Variants in PARP12 observed in about 807,000 individuals in gnomAD.
PARP12 encodes protein mono-ADP-ribosyltransferase PARP12.
PARP12 carries 59 observed loss-of-function variants against 72.4 expected under a neutral mutation model. That is an observed-to-expected ratio of 0.81 (90% CI 0.66 to 1.01). The LOEUF (loss-of-function observed/expected upper bound fraction) is 1.01. PARP12 is among the 50% of genes least tolerant of loss of function. The pLI is 0.00. For missense variants in PARP12, 851 were observed against 914.0 expected, an observed-to-expected ratio of 0.93 and a Z score of 0.89; for synonymous variants, 403 against 371.4, an observed-to-expected ratio of 1.09 and a Z score of -0.98.
intron 4 of PARP12, among the ~76,000 whole-genome samples, chr7:140,051,342 CTT>C (rs1466874328): frequency 2.0e-5 from 3 of 152,014 alleles, no homozygotes; most frequent in Non-Finnish European, 4.4e-5. Flanking sequence ...TCAATCCAGT[CTT>C]TTTTCTACAT....
intron 2 of PARP12, chr7:140,057,452 A>G (rs1302722068): frequency 1.3e-5 from 6 of 451,072 alleles, no homozygotes; most frequent in Non-Finnish European, 2.0e-5. Context: ...TCAAATGGCT[A>G]CATCCTAAGG....
At chr7:140,033,129 G>A in intron 8 of PARP12, 1 of 950,482 alleles carries the variant, frequency 1.1e-6, no homozygotes, top group Non-Finnish European at 1.3e-6. Flanking sequence ...CTGGGCTCAA[G>A]CAATCTACCC....
intron 6 of PARP12, chr7:140,038,057 C>T (rs1816290679): frequency 2.0e-6 from 2 of 985,376 alleles, no homozygotes; most frequent in Non-Finnish European, 1.2e-6. Flanking sequence ...GCTGCCCTAG[C>T]AAACACAATG....
At chr7:140,047,250 T>G (rs1034544434) in intron 4 of PARP12, among the ~76,000 whole-genome samples, 2 of 152,262 alleles carry the variant, frequency 1.3e-5, no homozygotes, top group Admixed American at 6.5e-5. Context: ...TACAACTTAA[T>G]CGCCAATGTG....
chr7:140,056,802 A>G, intron 3 of PARP12, 54 bp downstream of exon 3: 1 of 1,493,420 alleles, frequency 6.7e-7, no homozygotes, highest in Non-Finnish European at 9.0e-7. Flanking sequence ...GGGAACCCCC[A>G]GCCCAGGACC....
chr7:140,032,299 T>A (rs1415816983), intron 8 of PARP12, among the ~76,000 whole-genome samples: 1 of 151,996 alleles, frequency 6.6e-6, no homozygotes, highest in Non-Finnish European at 1.5e-5. Context: ...TTGGTTTACT[T>A]CCTACGACTC....
intron 3 of PARP12, among the ~76,000 whole-genome samples, chr7:140,055,448 C>T (rs2116654485): frequency 6.6e-6 from 1 of 152,280 alleles, no homozygotes. Flanking sequence ...TGAGTCTTTA[C>T]CTATGACATT....
intron 7 of PARP12, 79 bp from the exon 8 acceptor site, chr7:140,034,410 A>AATT: frequency 1.6e-6 from 2 of 1,214,690 alleles, no homozygotes; most frequent in Non-Finnish European, 2.3e-6. Context: ...TATAAACACA[A>AATT]ATTAGATAGA....
intron 10 of PARP12, 113 bp downstream of exon 10, chr7:140,027,163 G>T: frequency 7.1e-7 from 1 of 1,407,926 alleles, no homozygotes; most frequent in Admixed American, 1.9e-5. Flanking sequence ...CCCAGCACAT[G>T]GCAGCCCTAA....
rs763786148 is a variant in PARP12 at position 140,034,343 on chromosome 7, C to T, written c.1325-12G>A. The T allele has an allele frequency of 6.3e-7, 1 of 1,596,648 alleles. No homozygotes were observed. The highest frequency in any genetic ancestry group is 1.7e-5 in the Admixed American group (1 of 58,522). ...TTTCTGAACGAAGGCTGAAAAAAAACATAACCAGTGAAAAAATATACATAT... is the reference window on the plus strand; with the variant it reads ...TTTCTGAACGAAGGCTGAAAAAAAATATAACCAGTGAAAAAATATACATAT... On this transcript the variant is annotated splice_polypyrimidine_tract_variant and intron_variant, in intron 7 of 11. Coordinates refer to ENST00000263549, the MANE Select transcript of PARP12 (RefSeq NM_022750.4).
At chr7:140,033,410 C>A in intron 8 of PARP12, 1 of 985,444 alleles carries the variant, frequency 1.0e-6, no homozygotes, top group South Asian at 4.7e-5. Context: ...AGCCAGACCT[C>A]TCAGGCGAAC....
chr7:140,047,565 C>T (rs1225228684), intron 4 of PARP12, among the ~76,000 whole-genome samples: 1 of 152,106 alleles, frequency 6.6e-6, no homozygotes, highest in Non-Finnish European at 1.5e-5. Flanking sequence ...CTGTTATAAG[C>T]AACAAAATGG....
Position 140,024,528 on chromosome 7 carries a change from G to A in PARP12, c.*32C>T. On this transcript the variant is annotated 3_prime_UTR_variant, in exon 12 of 12. Coordinates refer to ENST00000263549, the MANE Select transcript of PARP12 (RefSeq NM_022750.4). Reference sequence around the variant, plus strand: ...GCCCAAATAGCCATTTCAAGGCAGAGCAGGTGAAAGGCCTGGAACACTCCT... The same window carrying A: ...GCCCAAATAGCCATTTCAAGGCAGAACAGGTGAAAGGCCTGGAACACTCCT... 3.1e-6 allele frequency: 5 copies of A among 1,607,872 alleles called. No individual in the cohort carries two copies. The highest frequency in any genetic ancestry group is 4.3e-6 in the Non-Finnish European group (5 of 1,174,728).
At chr7:140,053,631 G>A (rs2362459) in intron 4 of PARP12, among the ~76,000 whole-genome samples, 80,937 of 151,590 alleles carry the variant, frequency 0.53, 24,099 homozygotes, top group African/African-American at 0.81. Flanking sequence ...ATATGTGTGT[G>A]TATATATATA....
intron 4 of PARP12, among the ~76,000 whole-genome samples, chr7:140,053,930 G>A (rs531936297): frequency 1.3e-5 from 2 of 152,324 alleles, no homozygotes; most frequent in Admixed American, 1.3e-4. Context: ...AAAGACGATG[G>A]AGGACTTCAT....
rs1311076163 is a variant in PARP12, at chr7:140,057,047, T to C, written c.569A>G (p.Lys190Arg). 6.2e-7 allele frequency: 1 copy of C among 1,614,242 alleles called. No individual in the cohort carries two copies. Among genetic ancestry groups the C allele is most frequent in the Non-Finnish European group, 8.5e-7 (1 of 1,180,040 alleles). Residue 190 changes from lysine (K) to arginine (R), a missense_variant, in exon 3 of 12, where the codon AAG becomes AGG. Physicochemically the swap from Lys to Arg is conservative, Grantham distance 26. Around this residue, in one of 3 missense-constraint regions of PARP12, gnomAD observed 492 missense variants for 489.3 expected, o/e 1.01. Transcript: ENST00000263549. ...ICQYFLQGEC[K>R]FGTSCKRSHD... The stretch of plus-strand genomic sequence containing the variant: ...GGATCTCTTACAGCTAGTGCCAAAC[T>C]TGCATTCCCCCTGTAAAAAATACTG...
At chr7:140,062,403 G>T in intron 1 of PARP12, 119 bp downstream of exon 1, 1 of 1,036,912 alleles carries the variant, frequency 9.6e-7, no homozygotes, top group Non-Finnish European at 1.3e-6. Flanking sequence ...ACGGTGCGAG[G>T]TCAGGGCAGA....
chr7:140,061,376 T>A (rs7805521), intron 1 of PARP12, among the ~76,000 whole-genome samples: 41,863 of 152,116 alleles, frequency 0.28, 6,848 homozygotes, highest in East Asian at 0.56. Flanking sequence ...AATGACTGTA[T>A]GGATCAAGGC....
intron 3 of PARP12, 36 bp downstream of exon 3, chr7:140,056,820 C>T: frequency 6.5e-7 from 1 of 1,542,134 alleles, no homozygotes; most frequent in African/African-American, 1.4e-5. Flanking sequence ...ACCTCCCGTG[C>T]TCCCCACCAG....
Sources: allele counts gnomAD v4.1 joint callset (sites outside exome capture counted in the v4.1 genomes callset), GRCh38; gene constraint gnomAD v4.1.1; regional missense constraint gnomAD v4.1.1; transcripts MANE v1.5; gene names NCBI Gene and HGNC (gene_info 2026-07-23, HGNC 2026-07-21).